RBFOX1: variants seen among roughly 807,000 people sequenced by gnomAD.
The protein encoded by RBFOX1 is RNA binding protein fox-1 homolog 1.
A neutral mutation model predicts 57.7 loss-of-function variants in RBFOX1; 8 were observed. The ratio of observed to expected loss-of-function variants is 0.14; its 90% confidence interval spans 0.08 to 0.25. The LOEUF (loss-of-function observed/expected upper bound fraction) is 0.25. RBFOX1 is among the 10% of genes least tolerant of loss of function. RBFOX1 has a pLI of 1.00. For synonymous variants in RBFOX1, 326 were observed against 222.4 expected (o/e 1.47, Z -4.15); for missense variants, 611 against 548.5 (o/e 1.11, Z -1.14).
At chr16:6,312,195 C>G (rs1021183387) in intron 1 of RBFOX1, among the ~76,000 whole-genome samples, 2 of 152,096 alleles carry the variant, frequency 1.3e-5, no homozygotes, top group African/African-American at 4.8e-5. Context: ...ATGTTTCTTA[C>G]ACAGCACAGG....
intron 11 of RBFOX1, among the ~76,000 whole-genome samples, chr16:7,638,004 T>C (rs1213480863): frequency 6.6e-6 from 1 of 152,246 alleles, no homozygotes; most frequent in Non-Finnish European, 1.5e-5. Flanking sequence ...ATTTCAATTT[T>C]GATAGTCTGC....
At chr16:5,472,602 A>G (rs964050017) in intron 2 of RBFOX1, among the ~76,000 whole-genome samples, 3 of 151,778 alleles carry the variant, frequency 2.0e-5, no homozygotes, top group African/African-American at 7.3e-5. Flanking sequence ...CTCCTTAATT[A>G]TTTCTTAGAG....
At chr16:5,508,901 C>T (rs117188484) in intron 2 of RBFOX1, among the ~76,000 whole-genome samples, 1 of 152,186 alleles carries the variant, frequency 6.6e-6, no homozygotes, top group Non-Finnish European at 1.5e-5. Flanking sequence ...AACCACCCAC[C>T]TGGGGGTTCT....
At chr16:6,257,621 G>T (rs996070523) in intron 1 of RBFOX1, among the ~76,000 whole-genome samples, 5 of 152,034 alleles carry the variant, frequency 3.3e-5, no homozygotes, top group African/African-American at 1.2e-4. Context: ...TCCCTTCTAT[G>T]TGTCCATGTG....
chr16:7,458,104 C>T (rs1567272143), intron 4 of RBFOX1, among the ~76,000 whole-genome samples: 1 of 152,132 alleles, frequency 6.6e-6, no homozygotes, highest in South Asian at 2.1e-4. Context: ...GCTTCCTGTT[C>T]TTTGCCGTAT....
At chr16:6,739,233 A>T (rs1051743018) in intron 3 of RBFOX1, among the ~76,000 whole-genome samples, 1 of 148,708 alleles carries the variant, frequency 6.7e-6, no homozygotes, top group Admixed American at 6.7e-5. Flanking sequence ...TCTAGTAGGG[A>T]TGATAGAAAA....
intron 2 of RBFOX1, among the ~76,000 whole-genome samples, chr16:6,344,407 C>CTTTTTCTTTTT (rs1555635136): frequency 1.3e-4 from 14 of 109,846 alleles, no homozygotes; most frequent in South Asian, 2.8e-4. Flanking sequence ...TCTTTTTTTT[C>CTTTTTCTTTTT]TTTTTTTTTT....
At chr16:6,382,333 T>A (rs993445094) in intron 2 of RBFOX1, among the ~76,000 whole-genome samples, 1 of 152,198 alleles carries the variant, frequency 6.6e-6, no homozygotes, top group Non-Finnish European at 1.5e-5. Flanking sequence ...TCATTTCATA[T>A]TGTGGAAGAA....
intron 4 of RBFOX1, among the ~76,000 whole-genome samples, chr16:5,928,499 T>A (rs1271664935): frequency 6.6e-6 from 1 of 152,140 alleles, no homozygotes; most frequent in African/African-American, 2.4e-5. Context: ...CAAAACATCA[T>A]GTTGTACCCC....
intron 3 of RBFOX1, among the ~76,000 whole-genome samples, chr16:5,771,143 G>A (rs1218045424): frequency 1.3e-5 from 2 of 152,226 alleles, no homozygotes; most frequent in Non-Finnish European, 2.9e-5. Flanking sequence ...GTTCACTAGA[G>A]CAACAGAAAA....
At chr16:6,391,879 C>A (rs1378933540) in intron 2 of RBFOX1, among the ~76,000 whole-genome samples, 1 of 152,136 alleles carries the variant, frequency 6.6e-6, no homozygotes, top group Non-Finnish European at 1.5e-5. Context: ...TTACAGTGTG[C>A]TCTAATAAAT....
chr16:6,633,244 A>G (rs948184201), intron 2 of RBFOX1, among the ~76,000 whole-genome samples: 3 of 152,106 alleles, frequency 2.0e-5, no homozygotes, highest in South Asian at 2.1e-4. Context: ...GTCCTCTCCA[A>G]TAGGTGCACA....
intron 3 of RBFOX1, among the ~76,000 whole-genome samples, chr16:5,733,709 T>C (rs2052466720): frequency 6.6e-6 from 1 of 151,984 alleles, no homozygotes; most frequent in Admixed American, 6.6e-5. Flanking sequence ...CTTCTCCCTT[T>C]CCCTCTTACC....
At chr16:7,659,174 G>A (rs1440641502) in intron 12 of RBFOX1, among the ~76,000 whole-genome samples, 1 of 152,210 alleles carries the variant, frequency 6.6e-6, no homozygotes, top group African/African-American at 2.4e-5. Context: ...ACCTTGAGAA[G>A]TATTTGAGAA....
chr16:6,762,767 T>C (rs1444389357), intron 3 of RBFOX1, among the ~76,000 whole-genome samples: 2 of 150,980 alleles, frequency 1.3e-5, no homozygotes, highest in African/African-American at 4.8e-5. Context: ...CCCAAGGGGA[T>C]AGGGGGTAGT....
At chr16:6,528,988 CAATT>C (rs1184268668) in intron 2 of RBFOX1, among the ~76,000 whole-genome samples, 1 of 152,146 alleles carries the variant, frequency 6.6e-6, no homozygotes. Context: ...ACATGAAGAA[CAATT>C]AATCCTCCTT....
At chr16:5,627,654 C>G (rs2048384153) in intron 3 of RBFOX1, among the ~76,000 whole-genome samples, 1 of 152,056 alleles carries the variant, frequency 6.6e-6, no homozygotes, top group African/African-American at 2.4e-5. Flanking sequence ...TACAGTTGCC[C>G]CTCTGTATCC....
intron 3 of RBFOX1, among the ~76,000 whole-genome samples, chr16:5,812,458 C>CTTT (rs35251301): frequency 6.6e-5 from 9 of 135,506 alleles, no homozygotes; most frequent in Admixed American, 2.2e-4. Flanking sequence ...GTCTTTTTCT[C>CTTT]TTTTTTTTTT....
chr16:6,246,079 G>T (rs1021310784), intron 1 of RBFOX1, among the ~76,000 whole-genome samples: 2 of 152,106 alleles, frequency 1.3e-5, no homozygotes, highest in Non-Finnish European at 2.9e-5. Context: ...CAGAAACCCA[G>T]TTTACAGTAG....
Sources: gnomAD v4.1 joint callset for allele counts (sites outside exome capture counted in the v4.1 genomes callset) on GRCh38, gnomAD v4.1.1 for gene constraint, MANE v1.5 for transcripts, NCBI Gene and HGNC (gene_info 2026-07-23, HGNC 2026-07-21) for gene names.